The following STIMATE variants were observed in gnomAD, a reference collection of about 807,000 sequenced individuals.
STIMATE encodes STIM activating enhancer.
Under a neutral mutation model 36.7 loss-of-function variants are expected in STIMATE, and 15 were observed. That is an observed-to-expected ratio of 0.41 (90% confidence interval 0.27 to 0.63). STIMATE has a LOEUF of 0.63. Among genes scored for constraint, STIMATE ranks in the 20% least tolerant of loss-of-function variants. The pLI, the probability that STIMATE is intolerant of heterozygous loss-of-function variation, is 0.32. For missense variants in STIMATE, 305 were observed against 397.3 expected (o/e 0.77, Z 1.98); for synonymous variants, 163 against 162.3 (o/e 1.00, Z -0.03).
At position 52,897,353 on chromosome 3, in the gene STIMATE, A is replaced by C; in HGVS notation, c.98T>G (p.Met33Arg). Reference protein sequence around the residue: ...GAGRCESGALMHSFGIFLQGL... With the variant: ...GAGRCESGALRHSFGIFLQGL... Reference sequence around the variant, plus strand: ...CTGCAGGAAGATGCCGAAGCTGTGCATGAGCGCGCCGCTCTCGCAGCGGCC... The same window carrying C: ...CTGCAGGAAGATGCCGAAGCTGTGCCTGAGCGCGCCGCTCTCGCAGCGGCC... Residue 33 changes from methionine (M) to arginine (R), a missense_variant, in exon 1 of 8, where the codon ATG becomes AGG. By Grantham distance (91) the Met-to-Arg change is moderately conservative. This residue lies in a region of STIMATE where 57 missense variants were observed against 57.1 expected (regional missense o/e 1.00). Transcript: ENST00000355083. 1 of 1,529,840 alleles carries C rather than the reference A, an allele frequency of 6.5e-7. No individual in the cohort carries two copies. The highest frequency in any genetic ancestry group is 2.6e-5 in the East Asian group (1 of 38,898). 94.8% of individuals were successfully genotyped at this position (1,529,840 alleles called of 1,614,324 possible). A position where few individuals can be genotyped will look rare whatever the true frequency, so the allele number is the denominator to read the frequency against.
At chr3:52,844,728 A>AAG (rs1700864060) in intron 5 of STIMATE, 101 bp downstream of exon 5, 1 of 1,227,500 alleles carries the variant, frequency 8.1e-7, no homozygotes, top group Non-Finnish European at 1.1e-6. Context: ...ATAGAGTTAA[A>AAG]ACAAGTTTGG....
intron 5 of STIMATE, among the ~76,000 whole-genome samples, 154 bp downstream of exon 5, chr3:52,844,675 C>T (rs1700862926): frequency 6.6e-6 from 1 of 152,146 alleles, no homozygotes; most frequent in Non-Finnish European, 1.5e-5. Flanking sequence ...TTGACAAGCT[C>T]TTTGGAGTAG....
intron 1 of STIMATE, among the ~76,000 whole-genome samples, chr3:52,888,637 A>G (rs987450171): frequency 2.4e-4 from 37 of 152,230 alleles, no homozygotes; most frequent in African/African-American, 8.9e-4. Flanking sequence ...AAGATGTCTT[A>G]TAACAAAATG....
rs1322811456 is a variant in STIMATE, at chr3:52,838,069, A to AC, written c.*2424dup. 6.6e-6 allele frequency: 1 copy of AC among 152,174 alleles called. No homozygotes were observed. Among genetic ancestry groups the AC allele is most frequent in the Non-Finnish European group, 1.5e-5 (1 of 68,072 alleles). The allele number at this position is 152,174 out of a possible 1,614,324, so 9.4% of individuals were successfully genotyped here. A position where few individuals can be genotyped will look rare whatever the true frequency, so the allele number is the denominator to read the frequency against. On this transcript the variant is annotated 3_prime_UTR_variant, in exon 8 of 8. Coordinates refer to ENST00000355083, the MANE Select transcript of STIMATE (RefSeq NM_198563.5). ...CACGAGAGGTGTCCTATGGTCAGACACCCTATTAGACCCCCGTCCCCTGGT... is the reference window on the plus strand; with the variant it reads ...CACGAGAGGTGTCCTATGGTCAGACACCCCTATTAGACCCCCGTCCCCTGGT...
At chr3:52,892,871 C>T (rs1380667720) in intron 1 of STIMATE, among the ~76,000 whole-genome samples, 3 of 152,102 alleles carry the variant, frequency 2.0e-5, no homozygotes, top group South Asian at 2.1e-4. Flanking sequence ...CCGCTTATGG[C>T]GTGTTCTTGC....
intron 1 of STIMATE, among the ~76,000 whole-genome samples, chr3:52,873,853 C>T (rs1040325725): frequency 6.6e-6 from 1 of 152,208 alleles, no homozygotes; most frequent in Admixed American, 6.5e-5. Context: ...CAGAGAAATG[C>T]TGCATCTGCT....
chr3:52,888,956 C>G (rs1701737589), intron 1 of STIMATE, among the ~76,000 whole-genome samples: 1 of 152,158 alleles, frequency 6.6e-6, no homozygotes, highest in African/African-American at 2.4e-5. Context: ...CGTGCCACCC[C>G]ACCCAATGTC....
At chr3:52,875,278 G>T (rs994413433) in intron 1 of STIMATE, among the ~76,000 whole-genome samples, 1 of 152,172 alleles carries the variant, frequency 6.6e-6, no homozygotes, top group South Asian at 2.1e-4. Flanking sequence ...CCAAAGAACT[G>T]ACCTTCACTG....
Position 52,897,315 on chromosome 3 carries a change from C to T in STIMATE, c.136G>A (p.Val46Ile). 1 of 1,554,394 alleles carries T rather than the reference C, an allele frequency of 6.4e-7. No individual in the cohort carries two copies. The highest frequency in any genetic ancestry group is 2.4e-5 in the East Asian group (1 of 41,964). Residue 46 changes from valine to isoleucine, a missense_variant, in exon 1 of 8, where the codon GTC (valine) becomes ATC (isoleucine). Val to Ile is a conservative substitution (Grantham distance 29, BLOSUM62 3). Coordinates refer to ENST00000355083, the MANE Select transcript of STIMATE (RefSeq NM_198563.5). ...FGIFLQGLLG[V>I]VAFSTLMLKR... is the part of the protein sequence containing the mutation. Reference sequence around the variant, plus strand: ...CGCATTAACGTGCTGAAGGCCACGACGCCGAGCAGCCCCTGCAGGAAGATG... The same window carrying T: ...CGCATTAACGTGCTGAAGGCCACGATGCCGAGCAGCCCCTGCAGGAAGATG...
At chr3:52,867,751 A>G (rs536784663) in intron 1 of STIMATE, among the ~76,000 whole-genome samples, 2 of 152,370 alleles carry the variant, frequency 1.3e-5, no homozygotes, top group Admixed American at 6.5e-5. Context: ...TGTGGCTCCC[A>G]TTCAGAGCCA....
chr3:52,871,575 C>A lies in STIMATE; in HGVS notation c.161-16131G>T, dbSNP rs1340603418. ...CCACAAAAGAGGCTCAGAGCAGAAG[C>A]CTCAGAGCCTCACTATGTTTCATTA... On this transcript the variant is annotated intron_variant, in intron 1 of 7. Coordinates refer to ENST00000355083, the MANE Select transcript of STIMATE (RefSeq NM_198563.5). 2.0e-5 allele frequency among the ~76,000 whole-genome samples: 3 copies of A among 152,134 alleles called. No individual in the cohort carries two copies. The East Asian group carries it at 5.8e-4, about 29-fold the overall frequency.
intron 1 of STIMATE, among the ~76,000 whole-genome samples, chr3:52,864,798 T>C (rs979239492): frequency 6.6e-6 from 1 of 152,170 alleles, no homozygotes; most frequent in Non-Finnish European, 1.5e-5. Flanking sequence ...AGGGGCAAAG[T>C]GCCACCAGTC....
intron 1 of STIMATE, among the ~76,000 whole-genome samples, chr3:52,855,901 C>A (rs1488196105): frequency 1.3e-5 from 2 of 152,218 alleles, no homozygotes; most frequent in African/African-American, 4.8e-5. Flanking sequence ...TAGACACGTA[C>A]ATATCACATA....
At chr3:52,845,921 T>A (rs1700888687) in intron 4 of STIMATE, among the ~76,000 whole-genome samples, 1 of 59,680 alleles carries the variant, frequency 1.7e-5, no homozygotes. Context: ...GGGTACAGGG[T>A]AGCATTTTGG....
chr3:52,872,260 G>A (rs899377115), intron 1 of STIMATE, among the ~76,000 whole-genome samples: 1 of 152,162 alleles, frequency 6.6e-6, no homozygotes, highest in Non-Finnish European at 1.5e-5. Context: ...GTTTACCTCT[G>A]TATTCCTAGC....
intron 1 of STIMATE, among the ~76,000 whole-genome samples, chr3:52,856,983 CAG>C (rs796487272): frequency 5.9e-5 from 9 of 152,296 alleles, no homozygotes; most frequent in African/African-American, 2.2e-4. Flanking sequence ...AAGGAAGAAA[CAG>C]ATGCTGTTGC....
intron 1 of STIMATE, among the ~76,000 whole-genome samples, chr3:52,888,821 G>A (rs1701735539): frequency 6.6e-6 from 1 of 152,186 alleles, no homozygotes; most frequent in South Asian, 2.1e-4. Context: ...AAGCATGAAA[G>A]TTGTTGATGC....
chr3:52,882,737 CA>C (rs2106721595), intron 1 of STIMATE, among the ~76,000 whole-genome samples: 1 of 152,270 alleles, frequency 6.6e-6, no homozygotes, highest in African/African-American at 2.4e-5. Context: ...TTCCCCCAAA[CA>C]AGGGGTATCC....
chr3:52,869,493 A>G (rs1194035549), intron 1 of STIMATE, among the ~76,000 whole-genome samples: 39 of 152,116 alleles, frequency 2.6e-4, no homozygotes, highest in Admixed American at 2.6e-3. Context: ...GATTGTTCCC[A>G]CTGCTCTAAG....
Sources: allele counts gnomAD v4.1 joint callset (sites outside exome capture counted in the v4.1 genomes callset), GRCh38; gene constraint gnomAD v4.1.1; regional missense constraint gnomAD v4.1.1; transcripts MANE v1.5; gene names NCBI Gene and HGNC (gene_info 2026-07-23, HGNC 2026-07-21).